SLC2A7: variants seen among roughly 807,000 people sequenced by gnomAD.
SLC2A7 encodes the protein solute carrier family 2 member 7.
Under a neutral mutation model 50.5 loss-of-function variants are expected in SLC2A7, and 50 were observed. That is an observed-to-expected ratio of 0.99 (90% CI 0.79 to 1.25). SLC2A7 has a LOEUF of 1.25. Among genes scored for constraint, SLC2A7 ranks in the 50% most tolerant of loss-of-function variants. The pLI is 0.00. For synonymous variants in SLC2A7, 308 were observed against 300.4 expected (o/e 1.03, Z -0.26); for missense variants, 683 against 679.1 (o/e 1.01, Z -0.06).
intron 8 of SLC2A7, 49 bp from the exon 9 acceptor site, chr1:9,010,293 G>A (rs576934409): frequency 1.7e-4 from 258 of 1,489,112 alleles, no homozygotes; most frequent in Non-Finnish European, 2.1e-4. Context: ...TGGCGCCCAC[G>A]GTTCTTGGGC....
At chr1:9,020,560 AC>A (rs56695243) in intron 3 of SLC2A7, among the ~76,000 whole-genome samples, 1 of 54,216 alleles carries the variant, frequency 1.8e-5, no homozygotes, top group African/African-American at 6.5e-5. Flanking sequence ...GCCCCCCCCC[AC>A]CCCCCCGCCT....
intron 9 of SLC2A7, 82 bp downstream of exon 9, chr1:9,010,061 G>C: frequency 7.5e-7 from 1 of 1,330,910 alleles, no homozygotes; most frequent in Non-Finnish European, 1.1e-6. Flanking sequence ...CCAACCACTT[G>C]GTGCAGCGGG....
intron 3 of SLC2A7, among the ~76,000 whole-genome samples, chr1:9,022,424 C>A (rs934812037): frequency 6.6e-6 from 1 of 152,110 alleles, no homozygotes; most frequent in Admixed American, 6.6e-5. Context: ...AGTTCAAAGA[C>A]CTGCCCAGTC....
chr1:9,014,562 C>T (rs1233699728), intron 7 of SLC2A7, 119 bp downstream of exon 7: 4 of 1,261,072 alleles, frequency 3.2e-6, no homozygotes, highest in Non-Finnish European at 4.4e-6. Context: ...TCTGGCTCTG[C>T]CTGGACTGAT....
At chr1:9,006,831 G>A (rs537860906) in intron 10 of SLC2A7, among the ~76,000 whole-genome samples, 2 of 152,262 alleles carry the variant, frequency 1.3e-5, no homozygotes, top group South Asian at 4.1e-4. Flanking sequence ...CCAACAGGTG[G>A]GCCCAGGTGG....
chr1:9,012,109 G>C (rs531018522), intron 8 of SLC2A7, among the ~76,000 whole-genome samples: 4 of 152,016 alleles, frequency 2.6e-5, no homozygotes, highest in African/African-American at 9.7e-5. Context: ...GACCAGAGCC[G>C]GCCCTGTACA....
chr1:9,018,189 T>C (rs185032120), intron 5 of SLC2A7, 34 bp downstream of exon 5: 2 of 1,612,216 alleles, frequency 1.2e-6, no homozygotes, highest in African/African-American at 1.3e-5. Context: ...AACGAGAGAC[T>C]GGACCTAGCG....
intron 11 of SLC2A7, 55 bp from the exon 12 acceptor site, chr1:9,003,573 T>C: frequency 6.6e-7 from 1 of 1,523,720 alleles, no homozygotes; most frequent in South Asian, 1.1e-5. Flanking sequence ...ACAGTGCTGA[T>C]TCAGCTGAGC....
the SLC2A7 span, among the ~76,000 whole-genome samples, chr1:8,993,490 C>A: frequency 6.6e-6 from 1 of 152,144 alleles, no homozygotes; most frequent in African/African-American, 2.4e-5. Flanking sequence ...TCAGTGGCAC[C>A]TCCTGGTGTC....
At chr1:9,019,077 G>C in intron 4 of SLC2A7, 132 bp downstream of exon 4, 2 of 1,207,278 alleles carry the variant, frequency 1.7e-6, no homozygotes, top group Middle Eastern at 2.5e-4. Context: ...CAAGGGCCTG[G>C]GGATGCAGAT....
At chr1:9,023,103 G>A (rs1640939315) in intron 2 of SLC2A7, 25 bp from the exon 3 acceptor site, 1 of 1,607,080 alleles carries the variant, frequency 6.2e-7, no homozygotes, top group Non-Finnish European at 8.5e-7. Context: ...CCCATCCACA[G>A]CTAAGAATAT....
intron 10 of SLC2A7, 49 bp from the exon 11 acceptor site, chr1:9,004,928 C>T (rs1174019055): frequency 1.9e-6 from 3 of 1,587,370 alleles, no homozygotes; most frequent in African/African-American, 1.3e-5. Context: ...CCAGGTGTCC[C>T]CCAGGGCTGG....
Position 9,026,311 on chromosome 1 carries a change from A to G in SLC2A7, c.35T>C (p.Ile12Thr). The G allele has an allele frequency of 6.2e-7, 1 of 1,609,672 alleles. No individual in the cohort carries two copies. Among genetic ancestry groups the G allele is most frequent in the African/African-American group, 1.3e-5 (1 of 75,000 alleles). Reference protein sequence around the residue: ...ENKEAGTPPPIPSREGRLQPT... With the variant: ...ENKEAGTPPPTPSREGRLQPT... Reference sequence around the variant, plus strand: ...GGCACTTACCCCCTCCCTGGATGGAATGGGTGGAGGGGTTCCCGCCTCTTT... The same window carrying G: ...GGCACTTACCCCCTCCCTGGATGGAGTGGGTGGAGGGGTTCCCGCCTCTTT... The change falls in exon 1 of 12, where the codon ATT (isoleucine) becomes ACT (threonine). Residue 12 changes from isoleucine to threonine, a missense_variant. Coordinates refer to ENST00000400906, the MANE Select transcript of SLC2A7 (RefSeq NM_207420.3).
rs1438088858 is a variant in SLC2A7 at position 9,015,220 on chromosome 1, G to A, written c.612C>T (p.Leu204=). 1.1e-5 allele frequency: 17 copies of A among 1,604,126 alleles called. No individual in the cohort carries two copies. The highest frequency in any genetic ancestry group is 1.4e-5 in the Non-Finnish European group (17 of 1,176,780). ...NPAGWPVLLA[L]TGVPALLQLL... ...GCTGCAGCAGGGCGGGCACCCCTGT[G>A]AGCGCCAGAAGCACCGGCCAGCCTG... The change falls in exon 6 of 12, where the codon CTC becomes CTT. Residue 204 remains leucine, a synonymous_variant. Coordinates refer to ENST00000400906, the MANE Select transcript of SLC2A7 (RefSeq NM_207420.3).
At chr1:9,026,238 A>G in intron 1 of SLC2A7, 57 bp downstream of exon 1, 1 of 1,562,562 alleles carries the variant, frequency 6.4e-7, no homozygotes, top group South Asian at 1.1e-5. Flanking sequence ...CTCCCTCCAC[A>G]GGTCTGCACA....
At chr1:9,004,935 C>A in intron 10 of SLC2A7, 56 bp from the exon 11 acceptor site, 1 of 1,571,552 alleles carries the variant, frequency 6.4e-7, no homozygotes, top group Non-Finnish European at 8.6e-7. Context: ...TCCCCCAGGG[C>A]TGGCGGGACG....
the SLC2A7 span, among the ~76,000 whole-genome samples, chr1:8,993,298 A>G: frequency 2.6e-5 from 4 of 152,206 alleles, no homozygotes; most frequent in Non-Finnish European, 5.9e-5. Context: ...TCCCTCCCAC[A>G]ACGTGTGGGA....
downstream of SLC2A7, among the ~76,000 whole-genome samples, chr1:9,002,210 A>T (rs1298435804): frequency 6.6e-6 from 1 of 152,282 alleles, no homozygotes; most frequent in Middle Eastern, 3.4e-3. Flanking sequence ...GGGAGGGGAA[A>T]GACCTGACCG....
intron 6 of SLC2A7, 119 bp downstream of exon 6, chr1:9,014,998 C>G (rs79414710): frequency 1.3e-6 from 2 of 1,521,956 alleles, no homozygotes; most frequent in Non-Finnish European, 8.8e-7. Context: ...ACCCCCCCAC[C>G]CCGTTCAGCT....
Sources: gnomAD v4.1 joint callset for allele counts (sites outside exome capture counted in the v4.1 genomes callset) on GRCh38, gnomAD v4.1.1 for gene constraint, MANE v1.5 for transcripts, NCBI Gene and HGNC (gene_info 2026-07-23, HGNC 2026-07-21) for gene names.